TRAPPC8: variants seen among roughly 807,000 people sequenced by gnomAD.
The protein encoded by TRAPPC8 is trafficking protein particle complex subunit 8, also known as general sporulation gene 1 homolog.
A neutral mutation model predicts 174.3 loss-of-function variants in TRAPPC8; 54 were observed. The ratio of observed to expected loss-of-function variants is 0.31; its 90% confidence interval spans 0.25 to 0.39. TRAPPC8 has a LOEUF of 0.39. TRAPPC8 is among the 10% of genes least tolerant of loss of function. The pLI, the probability that TRAPPC8 is intolerant of heterozygous loss-of-function variation, is 1.00. For missense variants in TRAPPC8, 1,531 were observed against 1,699.1 expected (o/e 0.90, Z 1.74); for synonymous variants, 630 against 579.9 (o/e 1.09, Z -1.24).
intron 5 of TRAPPC8, 97 bp from the exon 6 acceptor site, chr18:31,909,857 T>C (rs901400127): frequency 1.0e-4 from 79 of 782,006 alleles, no homozygotes; most frequent in Non-Finnish European, 1.2e-4. Flanking sequence ...CTGCTAACTG[T>C]TGGCCTCATT....
At position 31,890,791 on chromosome 18, in the gene TRAPPC8, T is replaced by C; in HGVS notation, c.1672A>G (p.Arg558Gly). 6.2e-7 allele frequency: 1 copy of C among 1,612,690 alleles called. No individual in the cohort carries two copies. Among genetic ancestry groups the C allele is most frequent in the South Asian group, 1.1e-5 (1 of 90,918 alleles). The change falls in exon 12 of 29, where the codon AGA (arginine) becomes GGA (glycine). Residue 558 changes from arginine (R) to glycine (G), a missense_variant. Physicochemically the swap from Arg to Gly is moderately radical, Grantham distance 125. Transcript: ENST00000283351. ...CFINMKSPMV[R>G]KYAFHMILAG... ...AATATCATATGAAATGCATATTTTCTAACCATGGGACTTTTCATGTTTATA... is the reference window on the plus strand; with the variant it reads ...AATATCATATGAAATGCATATTTTCCAACCATGGGACTTTTCATGTTTATA...
chr18:31,840,611 GTT>G (rs2033039146), intron 26 of TRAPPC8, among the ~76,000 whole-genome samples: 1 of 152,194 alleles, frequency 6.6e-6, no homozygotes, highest in African/African-American at 2.4e-5. Context: ...CCTGCATCCT[GTT>G]TTTGTAAAGT....
intron 12 of TRAPPC8, among the ~76,000 whole-genome samples, chr18:31,883,099 T>C (rs1339709577): frequency 7.3e-5 from 11 of 150,702 alleles, no homozygotes; most frequent in Non-Finnish European, 1.0e-4. Flanking sequence ...AGCGTGCGCC[T>C]GTAATCTCAG....
intron 12 of TRAPPC8, among the ~76,000 whole-genome samples, chr18:31,881,362 A>C (rs1306390995): frequency 6.6e-6 from 1 of 152,174 alleles, no homozygotes; most frequent in Non-Finnish European, 1.5e-5. Flanking sequence ...CAGATCTTTA[A>C]CAAAGTCTAC....
At chr18:31,915,648 G>A (rs1321577250) in intron 4 of TRAPPC8, among the ~76,000 whole-genome samples, 1 of 152,042 alleles carries the variant, frequency 6.6e-6, no homozygotes, top group Non-Finnish European at 1.5e-5. Flanking sequence ...TGTAATCCCA[G>A]CACTTTGAGA....
intron 19 of TRAPPC8, among the ~76,000 whole-genome samples, chr18:31,860,736 G>A (rs2034281400): frequency 6.6e-6 from 1 of 152,124 alleles, no homozygotes; most frequent in African/African-American, 2.4e-5. Flanking sequence ...ATACCACCTT[G>A]TTGAACTAAC....
At chr18:31,855,609 G>GA (rs2033959851) in intron 21 of TRAPPC8, 51 bp downstream of exon 21, 1 of 1,521,518 alleles carries the variant, frequency 6.6e-7, no homozygotes, top group African/African-American at 1.4e-5. Context: ...AAACACAAGG[G>GA]AAACACTTCA....
intron 11 of TRAPPC8, among the ~76,000 whole-genome samples, chr18:31,895,250 C>T (rs2036135707): frequency 6.6e-6 from 1 of 152,172 alleles, no homozygotes; most frequent in Admixed American, 6.5e-5. Flanking sequence ...TACAGCCTTT[C>T]TAGTTAACAA....
chr18:31,867,538 C>T (rs1287046670), intron 16 of TRAPPC8, 62 bp from the exon 17 acceptor site: 3 of 1,089,632 alleles, frequency 2.8e-6, no homozygotes, highest in Non-Finnish European at 2.7e-6. Context: ...TATTAACACT[C>T]CTATATATCA....
chr18:31,846,720 T>C lies in TRAPPC8; in HGVS notation c.3833A>G (p.Lys1278Arg), dbSNP rs1284883381. 1.2e-6 allele frequency: 2 copies of C among 1,608,068 alleles called. No homozygotes were observed. Among genetic ancestry groups the C allele is most frequent in the South Asian group, 1.1e-5 (1 of 90,514 alleles). Residue 1278 changes from lysine to arginine, a missense_variant, in exon 26 of 29, where the codon AAA becomes AGA. Coordinates refer to ENST00000283351, the MANE Select transcript of TRAPPC8 (RefSeq NM_014939.5). ...CAAAGCAAACTATGTTATCACCTGT[T>C]TCTGAGGATATGAAAAGGCTTCTTT... is the stretch of plus-strand genomic sequence containing the variant. ...IGKEAFSYPQ[K>R]QEPPEMELLK...
At chr18:31,866,997 TCTTATTATGTTTTCATAATATCTTA>T (rs753628161) in intron 17 of TRAPPC8, 22 bp from the exon 18 acceptor site, 1 of 1,609,900 alleles carries the variant, frequency 6.2e-7, no homozygotes, top group Non-Finnish European at 8.5e-7. Flanking sequence ...TTTAAGTCAG[TCTTATTATGTTTTCATAATATCTTA>T]AATAGCACAA....
intron 24 of TRAPPC8, among the ~76,000 whole-genome samples, chr18:31,850,036 T>C (rs918333658): frequency 1.3e-5 from 2 of 151,924 alleles, no homozygotes; most frequent in African/African-American, 4.8e-5. Flanking sequence ...CACTGCAACC[T>C]CTACCTCCTG....
chr18:31,889,635 C>T (rs2035871353), intron 12 of TRAPPC8, among the ~76,000 whole-genome samples: 1 of 152,114 alleles, frequency 6.6e-6, no homozygotes, highest in Admixed American at 6.5e-5. Flanking sequence ...TTAAGTTTTT[C>T]TCATGTTAGA....
intron 12 of TRAPPC8, among the ~76,000 whole-genome samples, chr18:31,890,211 T>C (rs1476339760): frequency 1.3e-5 from 2 of 152,194 alleles, no homozygotes; most frequent in East Asian, 3.8e-4. Context: ...CTAATGGTTC[T>C]AGGACAACTG....
At chr18:31,889,646 G>C (rs1383673392) in intron 12 of TRAPPC8, among the ~76,000 whole-genome samples, 1 of 152,182 alleles carries the variant, frequency 6.6e-6, no homozygotes, top group Non-Finnish European at 1.5e-5. Context: ...TCATGTTAGA[G>C]CCTGAGAAAT....
chr18:31,903,125 T>TGC (rs575306839), intron 9 of TRAPPC8, among the ~76,000 whole-genome samples: 21,368 of 112,278 alleles, frequency 0.19, 1,762 homozygotes, highest in South Asian at 0.36. Flanking sequence ...TGCGTGCGTG[T>TGC]GTGTGTGTGT....
chr18:31,900,439 T>C (rs1332178908), intron 10 of TRAPPC8, among the ~76,000 whole-genome samples: 1 of 152,192 alleles, frequency 6.6e-6, no homozygotes, highest in Non-Finnish European at 1.5e-5. Flanking sequence ...GTCTTCATGG[T>C]TATCAAGTCC....
chr18:31,855,859 T>C (rs780921676), intron 20 of TRAPPC8, 52 bp from the exon 21 acceptor site: 3 of 1,533,412 alleles, frequency 2.0e-6, no homozygotes, highest in African/African-American at 1.4e-5. Flanking sequence ...GTCTCTATGT[T>C]ATAATTATCT....
At chr18:31,900,809 CAACTTGTCTCCGACTATATT>C (rs2036387779) in intron 10 of TRAPPC8, 96 bp downstream of exon 10, 4 of 745,462 alleles carry the variant, frequency 5.4e-6, no homozygotes, top group Non-Finnish European at 8.3e-6. Flanking sequence ...AAAATCACCT[CAACTTGTCTCCGACTATATT>C]AACTTGATTT....
Sources: allele counts gnomAD v4.1 joint callset (sites outside exome capture counted in the v4.1 genomes callset), GRCh38; gene constraint gnomAD v4.1.1; transcripts MANE v1.5; gene names NCBI Gene and HGNC (gene_info 2026-07-23, HGNC 2026-07-21).